Variants in MARCHF1 observed in about 807,000 individuals in gnomAD.
The protein encoded by MARCHF1 is membrane associated ring-CH-type finger 1, also known as E3 ubiquitin-protein ligase MARCHF1.
Under a neutral mutation model 54.2 loss-of-function variants are expected in MARCHF1, and 40 were observed. The ratio of observed to expected loss-of-function variants is 0.74; its 90% CI spans 0.57 to 0.96. The LOEUF is 0.96. Among genes scored for constraint, MARCHF1 ranks in the 40% least tolerant of loss-of-function variants. The pLI is 0.00. For synonymous variants in MARCHF1, 236 were observed against 236.3 expected (o/e 1.00, Z 0.01); for missense variants, 586 against 656.5 (o/e 0.89, Z 1.17).
chr4:163,970,022 C>G (rs1269888661), intron 3 of MARCHF1, among the ~76,000 whole-genome samples: 8 of 152,102 alleles, frequency 5.3e-5, no homozygotes, highest in Non-Finnish European at 1.2e-4. Context: ...TAGGGCAAAG[C>G]AAGAGCTAAA....
At chr4:163,646,152 G>T (rs1225022354) in intron 5 of MARCHF1, among the ~76,000 whole-genome samples, 1 of 152,038 alleles carries the variant, frequency 6.6e-6, no homozygotes, top group Non-Finnish European at 1.5e-5. Context: ...CACATCCAAG[G>T]GAACCTCCGT....
At chr4:163,826,011 C>G (rs80064658) in intron 4 of MARCHF1, among the ~76,000 whole-genome samples, 1 of 151,936 alleles carries the variant, frequency 6.6e-6, no homozygotes, top group Non-Finnish European at 1.5e-5. Flanking sequence ...TTTGGTCAGT[C>G]ATTGAACCTG....
intron 8 of MARCHF1, among the ~76,000 whole-genome samples, chr4:163,560,926 A>G (rs1412206672): frequency 1.3e-5 from 2 of 152,174 alleles, no homozygotes; most frequent in Non-Finnish European, 1.5e-5. Context: ...GGTAGATTCC[A>G]TCATATTTTC....
chr4:163,938,843 A>G (rs1751853555), intron 3 of MARCHF1, among the ~76,000 whole-genome samples: 1 of 152,068 alleles, frequency 6.6e-6, no homozygotes, highest in South Asian at 2.1e-4. Flanking sequence ...TATAAATAAA[A>G]CCATCAGATC....
intron 8 of MARCHF1, among the ~76,000 whole-genome samples, chr4:163,579,345 CA>C (rs1740140982): frequency 6.6e-6 from 1 of 152,094 alleles, no homozygotes; most frequent in Non-Finnish European, 1.5e-5. Context: ...AAAACAAAGA[CA>C]AAAAATTAGT....
At chr4:164,142,124 C>G (rs1029298346) in intron 1 of MARCHF1, among the ~76,000 whole-genome samples, 6 of 152,214 alleles carry the variant, frequency 3.9e-5, no homozygotes, top group African/African-American at 7.2e-5. Context: ...GGGCTTAAAA[C>G]ACAGCGCACC....
chr4:163,586,641 C>A (rs1740422819), intron 7 of MARCHF1, among the ~76,000 whole-genome samples: 1 of 152,118 alleles, frequency 6.6e-6, no homozygotes, highest in South Asian at 2.1e-4. Flanking sequence ...TTAATAGCAC[C>A]ACTATCGTGC....
chr4:164,008,187 C>G (rs928989679), intron 2 of MARCHF1, among the ~76,000 whole-genome samples: 1 of 151,980 alleles, frequency 6.6e-6, no homozygotes, highest in Non-Finnish European at 1.5e-5. Context: ...AGTAGTTACA[C>G]TAATATCAGA....
intron 2 of MARCHF1, among the ~76,000 whole-genome samples, chr4:164,006,417 T>C (rs1408473252): frequency 6.7e-6 from 1 of 149,788 alleles, no homozygotes; most frequent in Non-Finnish European, 1.5e-5. Context: ...AAATACACAG[T>C]CAGAGGAGAA....
intron 3 of MARCHF1, among the ~76,000 whole-genome samples, chr4:163,859,087 A>G (rs1172442347): frequency 2.6e-5 from 4 of 152,188 alleles, no homozygotes; most frequent in Non-Finnish European, 5.9e-5. Context: ...AAGAAGGTAA[A>G]GAGGAGTTCT....
intron 1 of MARCHF1, among the ~76,000 whole-genome samples, chr4:164,247,513 C>T (rs1054939820): frequency 9.3e-5 from 14 of 150,178 alleles, no homozygotes; most frequent in Non-Finnish European, 1.3e-4. Flanking sequence ...TGCTAGATGA[C>T]GAGTTAGTGG....
At chr4:163,979,948 A>G (rs1752728318) in intron 3 of MARCHF1, among the ~76,000 whole-genome samples, 1 of 152,146 alleles carries the variant, frequency 6.6e-6, no homozygotes, top group Non-Finnish European at 1.5e-5. Flanking sequence ...GTAGGTTGCG[A>G]AAATTTTCTC....
chr4:163,829,393 T>C (rs1748951813), intron 4 of MARCHF1, among the ~76,000 whole-genome samples: 1 of 152,182 alleles, frequency 6.6e-6, no homozygotes, highest in Non-Finnish European at 1.5e-5. Context: ...TCAAGGTGCT[T>C]GACTATCATC....
At chr4:163,685,267 CTT>C (rs1055803239) in intron 5 of MARCHF1, among the ~76,000 whole-genome samples, 1 of 151,916 alleles carries the variant, frequency 6.6e-6, no homozygotes, top group African/African-American at 2.4e-5. Context: ...TAAGTGAAGA[CTT>C]AATGTAGTGA....
chr4:164,219,642 A>G (rs1360663004), intron 1 of MARCHF1, among the ~76,000 whole-genome samples: 1 of 151,964 alleles, frequency 6.6e-6, no homozygotes, highest in Non-Finnish European at 1.5e-5. Flanking sequence ...ATAACACTAA[A>G]ATGATTTTAA....
At chr4:164,309,818 A>G (rs1734800012) in intron 1 of MARCHF1, among the ~76,000 whole-genome samples, 1 of 152,324 alleles carries the variant, frequency 6.6e-6, no homozygotes, top group African/African-American at 2.4e-5. Flanking sequence ...CTAGGCAATT[A>G]CCAAGTAGTA....
At chr4:164,300,527 A>G (rs1252094625) in intron 1 of MARCHF1, among the ~76,000 whole-genome samples, 1 of 152,100 alleles carries the variant, frequency 6.6e-6, no homozygotes, top group Non-Finnish European at 1.5e-5. Context: ...ACATGCATGA[A>G]ATCAACAGTA....
intron 4 of MARCHF1, among the ~76,000 whole-genome samples, chr4:163,799,913 G>A (rs1748031140): frequency 6.6e-6 from 1 of 152,068 alleles, no homozygotes; most frequent in African/African-American, 2.4e-5. Flanking sequence ...GAACTAGATA[G>A]AGAAAATGTG....
chr4:164,281,914 T>C (rs1453757558), intron 1 of MARCHF1, among the ~76,000 whole-genome samples: 1 of 142,710 alleles, frequency 7.0e-6, no homozygotes, highest in Non-Finnish European at 1.5e-5. Flanking sequence ...AACTCAGTCA[T>C]ATCCATTAGT....
Sources: gnomAD v4.1 joint callset for allele counts (sites outside exome capture counted in the v4.1 genomes callset) on GRCh38, gnomAD v4.1.1 for gene constraint, MANE v1.5 for transcripts, NCBI Gene and HGNC (gene_info 2026-07-23, HGNC 2026-07-21) for gene names.